The following ALKBH5 variants were observed in gnomAD, a reference collection of about 807,000 sequenced individuals.
ALKBH5 encodes the protein alkB homolog 5, RNA demethylase, also known as RNA demethylase ALKBH5.
Under a neutral mutation model 32.1 loss-of-function variants are expected in ALKBH5, and 2 were observed. The ratio of observed to expected loss-of-function variants is 0.06; its 90% confidence interval spans 0.03 to 0.20. The LOEUF is 0.20. ALKBH5 is among the 10% of genes least tolerant of loss of function. The pLI is 1.00. For synonymous variants in ALKBH5, 300 were observed against 231.7 expected (o/e 1.29, Z -2.68); for missense variants, 352 against 559.5 (o/e 0.63, Z 3.74).
In ALKBH5 at chr17:18,183,869, G is replaced by C. The variant is rs1477615763; in HGVS notation, c.-375G>C. The C allele has an allele frequency of 2.8e-6, 1 of 361,840 alleles. No homozygotes were observed. Among genetic ancestry groups the C allele is most frequent in the East Asian group, 1.1e-4 (1 of 9,098 alleles). 22.4% of individuals were successfully genotyped at this position (361,840 alleles called of 1,614,324 possible). A position where few individuals can be genotyped will look rare whatever the true frequency, so the allele number is the denominator to read the frequency against. Reference sequence around the variant, plus strand: ...AGCGGCGCTGGCGGACGTCGGGCTGGCTGCCCGTGACGTCGTGCGGAGAGC... The same window carrying C: ...AGCGGCGCTGGCGGACGTCGGGCTGCCTGCCCGTGACGTCGTGCGGAGAGC... On this transcript the variant is annotated 5_prime_UTR_variant, in exon 1 of 4. Transcript: ENST00000399138.
intron 1 of ALKBH5, among the ~76,000 whole-genome samples, chr17:18,191,394 A>G (rs2047173786): frequency 6.6e-6 from 1 of 152,180 alleles, no homozygotes; most frequent in South Asian, 2.1e-4. Context: ...CCCTACCTCC[A>G]TACTAGTTCT....
chr17:18,190,500 G>T (rs2047167049), intron 1 of ALKBH5, among the ~76,000 whole-genome samples: 1 of 146,214 alleles, frequency 6.8e-6, no homozygotes, highest in African/African-American at 2.5e-5. Flanking sequence ...AGTGAGCCAA[G>T]ATTGCGCCAC....
intron 2 of ALKBH5, 109 bp downstream of exon 2, chr17:18,195,144 G>A: frequency 3.6e-6 from 3 of 823,656 alleles, no homozygotes; most frequent in Admixed American, 2.4e-5. Context: ...ATGGCAGAGT[G>A]GAGAGCAGAA....
chr17:18,206,009 A>G (rs1404504662), intron 2 of ALKBH5, among the ~76,000 whole-genome samples: 1 of 152,088 alleles, frequency 6.6e-6, no homozygotes, highest in Non-Finnish European at 1.5e-5. Context: ...GTACCACACA[A>G]GGAGCCTGAG....
At chr17:18,205,408 A>G (rs2047263957) in intron 2 of ALKBH5, among the ~76,000 whole-genome samples, 1 of 152,170 alleles carries the variant, frequency 6.6e-6, no homozygotes, top group South Asian at 2.1e-4. Context: ...CCCCCTCTGC[A>G]AGGCCAACCC....
chr17:18,196,070 A>T (rs914226858), intron 2 of ALKBH5, among the ~76,000 whole-genome samples: 13 of 152,192 alleles, frequency 8.5e-5, no homozygotes, highest in African/African-American at 3.1e-4. Flanking sequence ...ACTAAAGTCC[A>T]TACTTTATTT....
intron 1 of ALKBH5, 145 bp from the exon 2 acceptor site, chr17:18,194,810 C>T (rs181852449): frequency 1.5e-5 from 9 of 611,232 alleles, no homozygotes; most frequent in African/African-American, 3.7e-5. Flanking sequence ...TATGATATTC[C>T]CTTCCATGTA....
At chr17:18,196,091 A>C (rs1371846382) in intron 2 of ALKBH5, among the ~76,000 whole-genome samples, 1 of 152,022 alleles carries the variant, frequency 6.6e-6, no homozygotes, top group Admixed American at 6.5e-5. Context: ...AGATTTCCTT[A>C]GGTTTTTCCT....
chr17:18,186,113 A>G (rs894085079), intron 1 of ALKBH5, among the ~76,000 whole-genome samples: 4 of 152,126 alleles, frequency 2.6e-5, no homozygotes, highest in Non-Finnish European at 5.9e-5. Flanking sequence ...TTTGAGTCTA[A>G]CAGCTGAGGC....
chr17:18,187,061 C>T (rs780455702), intron 1 of ALKBH5, among the ~76,000 whole-genome samples: 2 of 152,074 alleles, frequency 1.3e-5, no homozygotes, highest in Non-Finnish European at 2.9e-5. Flanking sequence ...TTTGGTGGAG[C>T]CTGAAACATG....
chr17:18,194,480 A>G (rs2047195017), intron 1 of ALKBH5, among the ~76,000 whole-genome samples: 1 of 151,954 alleles, frequency 6.6e-6, no homozygotes, highest in Non-Finnish European at 1.5e-5. Flanking sequence ...TTCAAACACA[A>G]CTGTCTTCAA....
At chr17:18,196,152 A>G (rs908084664) in intron 2 of ALKBH5, among the ~76,000 whole-genome samples, 1 of 151,248 alleles carries the variant, frequency 6.6e-6, no homozygotes, top group African/African-American at 2.4e-5. Flanking sequence ...TAGTTGACAT[A>G]TCAACTCAGA....
chr17:18,205,080 A>G (rs923107064), intron 2 of ALKBH5, among the ~76,000 whole-genome samples: 7 of 152,136 alleles, frequency 4.6e-5, no homozygotes, highest in African/African-American at 1.4e-4. Flanking sequence ...GTTCTATTCT[A>G]TTTCACATAC....
chr17:18,201,762 G>A (rs540713560), intron 2 of ALKBH5, among the ~76,000 whole-genome samples: 1 of 134,748 alleles, frequency 7.4e-6, no homozygotes, highest in Non-Finnish European at 1.6e-5. Context: ...TAGATAGATA[G>A]ATAGATAGAT....
chr17:18,191,698 G>A (rs944662357), intron 1 of ALKBH5, among the ~76,000 whole-genome samples: 6 of 152,132 alleles, frequency 3.9e-5, no homozygotes, highest in Non-Finnish European at 7.4e-5. Flanking sequence ...GGCCGAGCAT[G>A]GTGGCTCACA....
chr17:18,185,274 C>G (rs1197322580), intron 1 of ALKBH5, among the ~76,000 whole-genome samples: 1 of 152,084 alleles, frequency 6.6e-6, no homozygotes, highest in African/African-American at 2.4e-5. Flanking sequence ...CGAAAGCCAT[C>G]TTTTCAGAAG....
Position 18,184,636 on chromosome 17 carries a change from C to T in ALKBH5, c.393C>T (p.Asn131=). The T allele has an allele frequency of 6.2e-7, 1 of 1,613,200 alleles. No individual in the cohort carries two copies. The highest frequency in any genetic ancestry group is 8.5e-7 in the Non-Finnish European group (1 of 1,179,946). Residue 131 remains asparagine, a synonymous_variant, in exon 1 of 4, where the codon AAC becomes AAT. Transcript: ENST00000399138. ...EHTVDRAPLR[N]KYFFGEGYTY... ...CGGTGGACCGGGCCCCACTGCGCAA[C>T]AAGTACTTCTTCGGCGAAGGCTACA... is the stretch of plus-strand genomic sequence containing the variant.
intron 1 of ALKBH5, 81 bp from the exon 2 acceptor site, chr17:18,194,874 T>C (rs1217339960): frequency 1.6e-5 from 19 of 1,212,650 alleles, no homozygotes; most frequent in Middle Eastern, 2.1e-4. Context: ...ACCTAGGCCA[T>C]GTTCCTGTCC....
chr17:18,202,824 C>CCAG (rs1394142112), intron 2 of ALKBH5, among the ~76,000 whole-genome samples: 2 of 151,846 alleles, frequency 1.3e-5, no homozygotes, highest in Non-Finnish European at 2.9e-5. Flanking sequence ...GCCTGTAATT[C>CCAG]CAGCACTTCG....
Sources: allele counts gnomAD v4.1 joint callset (sites outside exome capture counted in the v4.1 genomes callset), GRCh38; gene constraint gnomAD v4.1.1; transcripts MANE v1.5; gene names NCBI Gene and HGNC (gene_info 2026-07-23, HGNC 2026-07-21).